The following NPAS3 variants were observed in gnomAD, a reference collection of about 807,000 sequenced individuals.
NPAS3 encodes neuronal PAS domain protein 3, also known as neuronal PAS domain-containing protein 3.
Under a neutral mutation model 73.1 loss-of-function variants are expected in NPAS3, and 14 were observed. That is an observed-to-expected ratio of 0.19 (90% CI 0.13 to 0.30). The LOEUF is 0.30. Among genes scored for constraint, NPAS3 ranks in the 10% least tolerant of loss-of-function variants. The probability of loss-of-function intolerance (pLI) is 1.00; values close to 1 mark genes in which losing one functional copy is unlikely to be tolerated. For missense variants in NPAS3, 1,096 were observed against 1,250.0 expected (o/e 0.88, Z 1.86); for synonymous variants, 620 against 541.5 (o/e 1.14, Z -2.01).
chr14:33,546,831 C>G (rs895260893), intron 4 of NPAS3, among the ~76,000 whole-genome samples: 2 of 152,180 alleles, frequency 1.3e-5, no homozygotes, highest in African/African-American at 4.8e-5. Context: ...TAGTCACTAG[C>G]TCATGTGAAA....
chr14:33,148,369 C>T (rs1218748976), intron 2 of NPAS3, among the ~76,000 whole-genome samples: 2 of 152,080 alleles, frequency 1.3e-5, no homozygotes, highest in Non-Finnish European at 2.9e-5. Context: ...GCCAACATTA[C>T]AAACTGTTTT....
chr14:33,793,872 C>A, intron 9 of NPAS3, 25 bp from the exon 10 acceptor site: 1 of 1,598,628 alleles, frequency 6.3e-7, no homozygotes, highest in Non-Finnish European at 8.5e-7. Context: ...TAATACAATG[C>A]CTCTGTTTTG....
chr14:33,070,656 G>A (rs915105775), intron 2 of NPAS3, among the ~76,000 whole-genome samples: 4 of 152,176 alleles, frequency 2.6e-5, no homozygotes, highest in East Asian at 1.9e-4. Flanking sequence ...AGCACATGGC[G>A]TAGGGGTCAG....
intron 1 of NPAS3, among the ~76,000 whole-genome samples, chr14:32,994,441 G>A (rs1180946010): frequency 6.6e-6 from 1 of 151,842 alleles, no homozygotes; most frequent in Admixed American, 6.6e-5. Context: ...CTGAACTTTT[G>A]TAAATTTTAG....
intron 3 of NPAS3, among the ~76,000 whole-genome samples, chr14:33,249,565 T>C (rs549715886): frequency 6.6e-5 from 10 of 152,246 alleles, no homozygotes; most frequent in African/African-American, 2.4e-4. Context: ...ATTGTTTTGC[T>C]CTTTCAAGGA....
intron 3 of NPAS3, among the ~76,000 whole-genome samples, chr14:33,220,655 T>C (rs756469168): frequency 6.6e-6 from 1 of 152,208 alleles, no homozygotes; most frequent in Non-Finnish European, 1.5e-5. Context: ...AGTATGTCTC[T>C]GAGACTCTAA....
chr14:33,616,577 A>G (rs746450227), intron 5 of NPAS3, among the ~76,000 whole-genome samples: 1 of 152,144 alleles, frequency 6.6e-6, no homozygotes, highest in Non-Finnish European at 1.5e-5. Context: ...GCTGGGATAG[A>G]ACTGAACATT....
chr14:33,311,761 G>A (rs1034000036), intron 3 of NPAS3, among the ~76,000 whole-genome samples: 1 of 152,162 alleles, frequency 6.6e-6, no homozygotes, highest in African/African-American at 2.4e-5. Flanking sequence ...GGCGGGAAAA[G>A]GATTATTAAT....
intron 3 of NPAS3, among the ~76,000 whole-genome samples, chr14:33,271,335 G>A (rs2041067432): frequency 6.6e-6 from 1 of 152,182 alleles, no homozygotes; most frequent in Non-Finnish European, 1.5e-5. Context: ...CACACAGAAA[G>A]GCAAAGGGAA....
chr14:32,942,943 C>T (rs2036086421), intron 1 of NPAS3, among the ~76,000 whole-genome samples: 1 of 152,166 alleles, frequency 6.6e-6, no homozygotes, highest in African/African-American at 2.4e-5. Flanking sequence ...AATGCATGGG[C>T]ATATCATGAT....
chr14:33,235,771 C>A (rs560951579), intron 3 of NPAS3, among the ~76,000 whole-genome samples: 31 of 144,622 alleles, frequency 2.1e-4, no homozygotes, highest in African/African-American at 7.3e-4. Flanking sequence ...GTACATCTTG[C>A]GTACAAAAGA....
At chr14:33,284,808 C>T (rs541585517) in intron 3 of NPAS3, among the ~76,000 whole-genome samples, 7 of 101,546 alleles carry the variant, frequency 6.9e-5, no homozygotes, top group Non-Finnish European at 1.3e-4. Flanking sequence ...ATCTATCTAT[C>T]TATCTATATA....
At chr14:33,039,553 A>G (rs1358973016) in intron 1 of NPAS3, among the ~76,000 whole-genome samples, 1 of 152,136 alleles carries the variant, frequency 6.6e-6, no homozygotes, top group African/African-American at 2.4e-5. Flanking sequence ...TGAAATCGAT[A>G]CACTATCTTT....
Position 33,197,263 on chromosome 14 carries a change from G to GTGTGTGTGTGTGTGTC in NPAS3, c.141-17914_141-17913insGTGTGTGTGTCTGTGT, listed in dbSNP as rs1223821235. Among the ~76,000 whole-genome samples, 5 of 149,780 alleles carry GTGTGTGTGTGTGTGTC rather than the reference G, an allele frequency of 3.3e-5. No individual in the cohort carries two copies. The East Asian group carries it at 9.8e-4, about 29-fold the overall frequency. On this transcript the variant is annotated intron_variant, in intron 2 of 11. Transcript: ENST00000356141. Reference sequence around the variant, plus strand: ...TGTGTGTGTGTGTGTGTGTGTGTGTGTGTGTTCTTTTTCAATTGAGATCCA... The same window carrying GTGTGTGTGTGTGTGTC: ...TGTGTGTGTGTGTGTGTGTGTGTGTGTGTGTGTGTGTGTGTCTGTGTTCTTTTTCAATTGAGATCCA...
chr14:33,050,545 C>T (rs2040667808), intron 1 of NPAS3, among the ~76,000 whole-genome samples: 1 of 152,112 alleles, frequency 6.6e-6, no homozygotes, highest in African/African-American at 2.4e-5. Context: ...GAACTTAACA[C>T]ATTATTGCTA....
intron 4 of NPAS3, among the ~76,000 whole-genome samples, chr14:33,392,280 T>C (rs1198190844): frequency 6.6e-6 from 1 of 152,162 alleles, no homozygotes; most frequent in Non-Finnish European, 1.5e-5. Flanking sequence ...AGGAAAGAAT[T>C]AATATTTATT....
chr14:33,367,966 G>A (rs1213261342), intron 4 of NPAS3, among the ~76,000 whole-genome samples: 1 of 151,918 alleles, frequency 6.6e-6, no homozygotes, highest in Non-Finnish European at 1.5e-5. Context: ...CAACACTTCT[G>A]CCTTCAACCA....
In NPAS3 at chr14:33,174,009, G is replaced by A. The variant is rs560441080; in HGVS notation, c.141-41173G>A. ...AGACTTTCCTAATATTTTAATATTC[G>A]AAGCAAGTTCCTATGTGAGGAGGTT... On this transcript the variant is annotated intron_variant, in intron 2 of 11. Transcript: ENST00000356141. Among the ~76,000 whole-genome samples, 45 of 152,298 alleles carry A rather than the reference G, an allele frequency of 3.0e-4. 1 individual carries two copies. In the South Asian group the frequency reaches 8.7e-3, roughly 29 times the overall value.
At chr14:33,399,659 G>GTTT (rs5807726) in intron 4 of NPAS3, among the ~76,000 whole-genome samples, 1 of 146,346 alleles carries the variant, frequency 6.8e-6, no homozygotes, top group Non-Finnish European at 1.5e-5. Context: ...ATGAAGCTGG[G>GTTT]TTTTTTTTTT....
Sources: allele counts gnomAD v4.1 joint callset (sites outside exome capture counted in the v4.1 genomes callset), GRCh38; gene constraint gnomAD v4.1.1; transcripts MANE v1.5; gene names NCBI Gene and HGNC (gene_info 2026-07-23, HGNC 2026-07-21).